The following CHST8 variants were observed in gnomAD, a reference collection of about 807,000 sequenced individuals.
The protein encoded by CHST8 is carbohydrate sulfotransferase 8.
CHST8 carries 10 observed loss-of-function variants against 15.0 expected under a neutral mutation model. The ratio of observed to expected loss-of-function variants is 0.67; its 90% CI spans 0.41 to 1.13. CHST8 has a LOEUF of 1.13. Among genes scored for constraint, CHST8 ranks in the 50% most tolerant of loss-of-function variants. The probability of loss-of-function intolerance (pLI) is 0.00; values close to 1 mark genes in which losing one functional copy is unlikely to be tolerated. For synonymous variants in CHST8, 259 were observed against 256.6 expected, an observed-to-expected ratio of 1.01 and a Z score of -0.09; for missense variants, 634 against 608.2, an observed-to-expected ratio of 1.04 and a Z score of -0.45.
chr19:33,686,815 G>A (rs1404410401), intron 2 of CHST8, among the ~76,000 whole-genome samples: 2 of 152,198 alleles, frequency 1.3e-5, no homozygotes, highest in Non-Finnish European at 2.9e-5. Context: ...ACCATCGATG[G>A]TATGTGTGCA....
intron 1 of CHST8, among the ~76,000 whole-genome samples, chr19:33,652,121 T>C (rs934497331): frequency 1.3e-5 from 2 of 152,190 alleles, no homozygotes; most frequent in Non-Finnish European, 2.9e-5. Context: ...TGATTATGCC[T>C]TCCTAGTGAA....
chr19:33,752,118 G>A (rs1974432367), intron 3 of CHST8, among the ~76,000 whole-genome samples: 1 of 152,184 alleles, frequency 6.6e-6, no homozygotes, highest in Admixed American at 6.5e-5. Flanking sequence ...GGGAGGCTCC[G>A]CCTAGCGGGT....
At chr19:33,697,056 G>A (rs1023645384) in intron 3 of CHST8, among the ~76,000 whole-genome samples, 4 of 151,744 alleles carry the variant, frequency 2.6e-5, no homozygotes, top group African/African-American at 9.7e-5. Context: ...TTTTGGCCAG[G>A]CTGGTCTCAA....
At chr19:33,750,353 G>A (rs1330882513) in intron 3 of CHST8, among the ~76,000 whole-genome samples, 1 of 152,196 alleles carries the variant, frequency 6.6e-6, no homozygotes, top group African/African-American at 2.4e-5. Flanking sequence ...CGCTGGGACA[G>A]ACCTCAGGGT....
chr19:33,766,821 C>G (rs1217300766), intron 3 of CHST8, among the ~76,000 whole-genome samples: 1 of 152,222 alleles, frequency 6.6e-6, no homozygotes, highest in Non-Finnish European at 1.5e-5. Flanking sequence ...GTGGAGTGGA[C>G]AGCGCCAATG....
At chr19:33,645,087 G>A (rs989217069) in intron 1 of CHST8, among the ~76,000 whole-genome samples, 1 of 152,214 alleles carries the variant, frequency 6.6e-6, no homozygotes, top group African/African-American at 2.4e-5. Flanking sequence ...CCCCATGACA[G>A]AGGACCATCT....
At chr19:33,643,126 G>A (rs1164869868) in intron 1 of CHST8, among the ~76,000 whole-genome samples, 2 of 152,104 alleles carry the variant, frequency 1.3e-5, no homozygotes, top group Non-Finnish European at 2.9e-5. Context: ...TGTCTCAAAG[G>A]GTATGCCCGT....
At chr19:33,648,078 G>C (rs1205310470) in intron 1 of CHST8, among the ~76,000 whole-genome samples, 1 of 152,014 alleles carries the variant, frequency 6.6e-6, no homozygotes, top group Non-Finnish European at 1.5e-5. Context: ...TATTGGAGCT[G>C]GTGGATGTGG....
intron 1 of CHST8, among the ~76,000 whole-genome samples, chr19:33,664,817 T>G (rs1972634301): frequency 6.6e-6 from 1 of 152,174 alleles, no homozygotes; most frequent in Non-Finnish European, 1.5e-5. Flanking sequence ...TCCAATTTTC[T>G]GGTTCCCACG....
At chr19:33,646,685 C>T (rs181964406) in intron 1 of CHST8, among the ~76,000 whole-genome samples, 115 of 152,188 alleles carry the variant, frequency 7.6e-4, no homozygotes, top group Non-Finnish European at 1.2e-3. Context: ...AGGCTGAGGC[C>T]GGCAGATCAG....
chr19:33,709,469 A>G (rs964916073), intron 3 of CHST8, among the ~76,000 whole-genome samples: 4 of 152,200 alleles, frequency 2.6e-5, no homozygotes, highest in Non-Finnish European at 5.9e-5. Flanking sequence ...TTCTACATCT[A>G]TTGAGATGTT....
intron 1 of CHST8, among the ~76,000 whole-genome samples, chr19:33,648,365 C>T (rs900878179): frequency 2.7e-4 from 38 of 142,142 alleles, no homozygotes; most frequent in African/African-American, 8.8e-4. Flanking sequence ...CAGAAAGAAA[C>T]CCTGTGCTAT....
chr19:33,741,597 T>C (rs575351686), intron 3 of CHST8, among the ~76,000 whole-genome samples: 50 of 152,322 alleles, frequency 3.3e-4, no homozygotes, highest in Non-Finnish European at 6.8e-4. Context: ...TATGGGATTC[T>C]GGTGGGACTT....
At position 33,757,466 on chromosome 19, in the gene CHST8, GAAAGAAAGAAAGAAA is replaced by G. The variant is rs1974591477; in HGVS notation, c.131-13946_131-13932del. Among the ~76,000 whole-genome samples the G allele has an allele frequency of 3.3e-4, 13 of 39,656 alleles. 3 individuals carry two copies. Among genetic ancestry groups the G allele is most frequent in the African/African-American group, 5.3e-4 (5 of 9,476 alleles). The allele number at this position is 39,656 out of a possible 152,430, so 26.0% of individuals were successfully genotyped here. On this transcript the variant is annotated intron_variant, in intron 3 of 4. Transcript: ENST00000650847. ...AGAAAGAAAGAAAGAAAGAAAGAAA[GAAAGAAAGAAAGAAA>G]GAAAGAAAGAAAGAAAGAAAGAAAG... is the stretch of plus-strand genomic sequence containing the variant.
intron 3 of CHST8, among the ~76,000 whole-genome samples, chr19:33,730,832 C>G (rs1226482809): frequency 1.3e-5 from 2 of 152,192 alleles, no homozygotes; most frequent in Non-Finnish European, 2.9e-5. Context: ...AACAGCACAG[C>G]CTTCAGTCTA....
intron 3 of CHST8, among the ~76,000 whole-genome samples, chr19:33,693,596 T>G (rs1973141440): frequency 6.6e-6 from 1 of 152,214 alleles, no homozygotes; most frequent in African/African-American, 2.4e-5. Flanking sequence ...TCACTATTTA[T>G]TTGAGGAAAC....
At position 33,714,986 on chromosome 19, in the gene CHST8, C is replaced by T. The variant is rs142698661; in HGVS notation, c.130+25595C>T. On this transcript the variant is annotated intron_variant, in intron 3 of 4. Transcript: ENST00000650847. ...CCACCCTGAGAGATCCAGCCAGCCCCTCCCTCCACAGGCTCTGTCCCAGCA... is the reference window on the plus strand; with the variant it reads ...CCACCCTGAGAGATCCAGCCAGCCCTTCCCTCCACAGGCTCTGTCCCAGCA... Among the ~76,000 whole-genome samples, 397 of 152,330 alleles carry T rather than the reference C, an allele frequency of 2.6e-3. 6 individuals are homozygous for T. Among genetic ancestry groups the T allele is most frequent in the South Asian group, 7.7e-3 (37 of 4,828 alleles).
At chr19:33,639,261 A>G (rs1323585241) in intron 1 of CHST8, among the ~76,000 whole-genome samples, 2 of 152,142 alleles carry the variant, frequency 1.3e-5, no homozygotes, top group East Asian at 3.9e-4. Context: ...GGTAAATTAC[A>G]GGGTGACAGC....
intron 3 of CHST8, among the ~76,000 whole-genome samples, chr19:33,761,655 A>G: frequency 6.6e-6 from 1 of 151,284 alleles, no homozygotes; most frequent in Middle Eastern, 3.5e-3. Context: ...TATATATAGT[A>G]TAAAAATATG....
Sources: allele counts gnomAD v4.1 joint callset (sites outside exome capture counted in the v4.1 genomes callset), GRCh38; gene constraint gnomAD v4.1.1; transcripts MANE v1.5; gene names NCBI Gene and HGNC (gene_info 2026-07-23, HGNC 2026-07-21).